The following AGBL1 variants were observed in gnomAD, a reference collection of about 807,000 sequenced individuals.
AGBL1 encodes cytosolic carboxypeptidase 4.
Under a neutral mutation model 118.9 loss-of-function variants are expected in AGBL1, and 130 were observed. That is an observed-to-expected ratio of 1.09 (90% CI 0.95 to 1.26). AGBL1 has a LOEUF of 1.26. Ranked by LOEUF, AGBL1 falls within the 50% of genes most tolerant of loss-of-function variation. AGBL1 has a pLI of 0.00. For missense variants in AGBL1, 1,584 were observed against 1,298.1 expected (o/e 1.22, Z -3.38); for synonymous variants, 555 against 478.9 (o/e 1.16, Z -2.08).
chr15:86,854,852 A>C (rs2079455709), intron 22 of AGBL1, among the ~76,000 whole-genome samples: 1 of 152,136 alleles, frequency 6.6e-6, no homozygotes, highest in Non-Finnish European at 1.5e-5. Context: ...ATTTTTGATG[A>C]TTCGCATGAA....
At chr15:86,114,275 G>A (rs1219581086) in intron 1 of AGBL1, among the ~76,000 whole-genome samples, 2 of 152,222 alleles carry the variant, frequency 1.3e-5, no homozygotes, top group African/African-American at 4.8e-5. Flanking sequence ...TGTGTCTTCA[G>A]CCTTGGACCC....
chr15:86,457,958 A>T (rs931609957), intron 18 of AGBL1, among the ~76,000 whole-genome samples: 2 of 152,164 alleles, frequency 1.3e-5, no homozygotes, highest in African/African-American at 4.8e-5. Flanking sequence ...TCATAGGGGT[A>T]GTCTGGTATA....
At chr15:86,261,531 A>T (rs2078984098) in intron 9 of AGBL1, among the ~76,000 whole-genome samples, 1 of 152,060 alleles carries the variant, frequency 6.6e-6, no homozygotes, top group African/African-American at 2.4e-5. Flanking sequence ...ACAAACATTT[A>T]TTTTCCACGT....
intron 22 of AGBL1, among the ~76,000 whole-genome samples, chr15:86,890,737 C>T (rs1294665862): frequency 6.6e-6 from 1 of 151,936 alleles, no homozygotes; most frequent in Non-Finnish European, 1.5e-5. Flanking sequence ...TATTCTATTC[C>T]ATTGGTCTAT....
chr15:86,127,558 C>T (rs1283670775), intron 1 of AGBL1, among the ~76,000 whole-genome samples: 2 of 151,098 alleles, frequency 1.3e-5, no homozygotes. Context: ...TGGCCGAGGG[C>T]ACGTGGGAAA....
chr15:86,784,275 A>G (rs1174251912), intron 22 of AGBL1, among the ~76,000 whole-genome samples: 1 of 152,212 alleles, frequency 6.6e-6, no homozygotes, highest in East Asian at 1.9e-4. Context: ...CCACAGAGGC[A>G]ACCTACTGAT....
rs1433834144 is a variant in AGBL1, at chr15:86,817,273, C to G, written c.3159-89814C>G. Among the ~76,000 whole-genome samples, 3 of 114,100 alleles carry G rather than the reference C, an allele frequency of 2.6e-5. No homozygotes were observed. The South Asian group carries it at 9.0e-4, about 34-fold the overall frequency. 74.9% of individuals were successfully genotyped at this position (114,100 alleles called of 152,430 possible). A position where few individuals can be genotyped will look rare whatever the true frequency, so the allele number is the denominator to read the frequency against. ...TGCGATTGTACTCTAGCCTGGGATA[C>G]AAGAACAAAACTCCATCTGGAAAAA... On this transcript the variant is annotated intron_variant, in intron 22 of 22. Transcript: ENST00000614907.
intron 22 of AGBL1, among the ~76,000 whole-genome samples, chr15:86,675,234 G>C (rs1473398260): frequency 6.6e-6 from 1 of 152,126 alleles, no homozygotes; most frequent in Non-Finnish European, 1.5e-5. Flanking sequence ...CCTGGTAAAT[G>C]AGGAGGCATC....
At chr15:86,801,902 G>A (rs1177566343) in intron 22 of AGBL1, among the ~76,000 whole-genome samples, 1 of 152,096 alleles carries the variant, frequency 6.6e-6, no homozygotes, top group Non-Finnish European at 1.5e-5. Flanking sequence ...AAAGGGAATG[G>A]GAGTCAGAAT....
At chr15:86,239,839 A>T (rs1463832643) in intron 6 of AGBL1, among the ~76,000 whole-genome samples, 2 of 152,228 alleles carry the variant, frequency 1.3e-5, no homozygotes, top group African/African-American at 4.8e-5. Flanking sequence ...AAAAGTCTTT[A>T]CATAGGTGCA....
intron 1 of AGBL1, among the ~76,000 whole-genome samples, chr15:86,125,921 A>G (rs1898399983): frequency 6.6e-6 from 1 of 152,236 alleles, no homozygotes; most frequent in African/African-American, 2.4e-5. Context: ...CAATTAGAGA[A>G]GAGAAGCCTG....
At chr15:86,319,743 GTTTTTTTTTTTTTTTT>G (rs139831044) in intron 17 of AGBL1, among the ~76,000 whole-genome samples, 12 of 47,254 alleles carry the variant, frequency 2.5e-4, no homozygotes, top group South Asian at 2.3e-3. Context: ...CTCTTTGGTA[GTTTTTTTTTTTTTTTT>G]TTTTTTTTTT....
chr15:86,670,017 C>T (rs1324540163), intron 21 of AGBL1, among the ~76,000 whole-genome samples: 1 of 152,136 alleles, frequency 6.6e-6, no homozygotes, highest in Non-Finnish European at 1.5e-5. Context: ...CCTTATATTA[C>T]ATCAAATTTA....
intron 22 of AGBL1, among the ~76,000 whole-genome samples, chr15:86,778,341 G>A (rs1247014540): frequency 1.3e-5 from 2 of 152,094 alleles, no homozygotes; most frequent in Non-Finnish European, 2.9e-5. Flanking sequence ...AGGAGACAGG[G>A]TTTGAGAGCA....
chr15:86,396,270 C>G (rs2081362842), intron 17 of AGBL1, among the ~76,000 whole-genome samples: 1 of 148,454 alleles, frequency 6.7e-6, no homozygotes, highest in South Asian at 2.1e-4. Flanking sequence ...TATACACACA[C>G]ACGTCAGTAA....
intron 21 of AGBL1, among the ~76,000 whole-genome samples, chr15:86,558,415 A>C (rs977314341): frequency 6.6e-6 from 1 of 152,176 alleles, no homozygotes; most frequent in Non-Finnish European, 1.5e-5. Context: ...GGGCCATTCC[A>C]GCTCTAGATA....
At chr15:86,727,256 G>A (rs993922747) in intron 22 of AGBL1, among the ~76,000 whole-genome samples, 1 of 152,064 alleles carries the variant, frequency 6.6e-6, no homozygotes, top group African/African-American at 2.4e-5. Flanking sequence ...CACCACAAAG[G>A]TGACACTAAA....
At chr15:86,398,201 G>A (rs1184727489) in intron 18 of AGBL1, among the ~76,000 whole-genome samples, 2 of 152,168 alleles carry the variant, frequency 1.3e-5, no homozygotes, top group African/African-American at 4.8e-5. Flanking sequence ...TGATGGGAAA[G>A]ATGGCTCCTG....
chr15:86,761,341 T>C (rs1054595777), intron 22 of AGBL1, among the ~76,000 whole-genome samples: 5 of 152,072 alleles, frequency 3.3e-5, no homozygotes, highest in Non-Finnish European at 7.4e-5. Flanking sequence ...TTAATTTTAC[T>C]GGTGAAAAAC....
Sources: gnomAD v4.1 joint callset for allele counts (sites outside exome capture counted in the v4.1 genomes callset) on GRCh38, gnomAD v4.1.1 for gene constraint, MANE v1.5 for transcripts, NCBI Gene and HGNC (gene_info 2026-07-23, HGNC 2026-07-21) for gene names.